Variants in SPATS2 observed in about 807,000 individuals in gnomAD.
SPATS2 encodes spermatogenesis-associated serine-rich protein 2.
Under a neutral mutation model 63.7 loss-of-function variants are expected in SPATS2, and 38 were observed. The ratio of observed to expected loss-of-function variants is 0.60; its 90% CI spans 0.46 to 0.78. The LOEUF (loss-of-function observed/expected upper bound fraction) is 0.78. Ranked by LOEUF, SPATS2 falls within the 30% of genes least tolerant of loss-of-function variation. The probability of loss-of-function intolerance (pLI) is 0.00; values close to 1 mark genes in which losing one functional copy is unlikely to be tolerated. For synonymous variants in SPATS2, 207 were observed against 232.9 expected, an observed-to-expected ratio of 0.89 and a Z score of 1.01; for missense variants, 588 against 666.2, an observed-to-expected ratio of 0.88 and a Z score of 1.29.
chr12:49,374,021 G>A (rs972213710), intron 2 of SPATS2, among the ~76,000 whole-genome samples: 1 of 151,820 alleles, frequency 6.6e-6, no homozygotes, highest in Non-Finnish European at 1.5e-5. Flanking sequence ...AAGAGTTTGA[G>A]ATTGTAGTGA....
chr12:49,389,861 C>CA, intron 2 of SPATS2: 1 of 843,016 alleles, frequency 1.2e-6, no homozygotes, highest in Non-Finnish European at 2.1e-6. Context: ...TAATGGCTAG[C>CA]AAAAAAGATG....
At chr12:49,463,653 G>C (rs1479983705) in intron 3 of SPATS2, 1 of 152,018 alleles carries the variant, frequency 6.6e-6, no homozygotes, top group Non-Finnish European at 1.5e-5. Context: ...TCATTGCTTT[G>C]GGTTTTAGTA....
chr12:49,425,604 G>A (rs1184459923), intron 2 of SPATS2, among the ~76,000 whole-genome samples: 1 of 152,044 alleles, frequency 6.6e-6, no homozygotes, highest in African/African-American at 2.4e-5. Context: ...ACAGGCATGA[G>A]CCACCACGTC....
chr12:49,431,586 A>T (rs1945187185), intron 2 of SPATS2, among the ~76,000 whole-genome samples: 2 of 152,200 alleles, frequency 1.3e-5, no homozygotes, highest in South Asian at 4.1e-4. Flanking sequence ...CAGTATTCTC[A>T]TTATGTGGAC....
At chr12:49,465,886 G>A (rs562321620) in intron 3 of SPATS2, among the ~76,000 whole-genome samples, 22 of 152,228 alleles carry the variant, frequency 1.4e-4, no homozygotes, top group Non-Finnish European at 2.8e-4. Flanking sequence ...GGAGGTTGCA[G>A]TGAGCCAGGA....
chr12:49,383,379 G>A (rs766552130), intron 2 of SPATS2, among the ~76,000 whole-genome samples: 2 of 151,702 alleles, frequency 1.3e-5, no homozygotes, highest in Non-Finnish European at 2.9e-5. Flanking sequence ...TAATATATGT[G>A]TCTTGGAAAT....
At chr12:49,390,213 T>C in intron 2 of SPATS2, 1 of 1,058,342 alleles carries the variant, frequency 9.4e-7, no homozygotes, top group Non-Finnish European at 1.4e-6. Context: ...AGTGGTCAAA[T>C]AAGTGAATGA....
At chr12:49,406,899 A>G (rs1944707183) in intron 2 of SPATS2, among the ~76,000 whole-genome samples, 1 of 152,196 alleles carries the variant, frequency 6.6e-6, no homozygotes, top group Non-Finnish European at 1.5e-5. Context: ...GAACAATCAT[A>G]ATGTAAAATA....
intron 3 of SPATS2, among the ~76,000 whole-genome samples, chr12:49,472,608 A>ATT (rs1052899920): frequency 1.3e-4 from 17 of 129,266 alleles, no homozygotes; most frequent in African/African-American, 4.5e-4. Flanking sequence ...TATTTTATAT[A>ATT]TTTTATATAT....
chr12:49,404,383 C>T (rs1474629575), intron 2 of SPATS2, among the ~76,000 whole-genome samples: 1 of 150,712 alleles, frequency 6.6e-6, no homozygotes, highest in Non-Finnish European at 1.5e-5. Flanking sequence ...AACTCCTGGG[C>T]CGAAGCGATC....
chr12:49,509,093 A>G (rs1250507424), intron 9 of SPATS2, among the ~76,000 whole-genome samples: 1 of 151,750 alleles, frequency 6.6e-6, no homozygotes, highest in Non-Finnish European at 1.5e-5. Flanking sequence ...ACTCCTTAGC[A>G]ATACAGATTG....
rs1946442192 is a variant in SPATS2, at chr12:49,495,010, T to A, written c.526+8T>A. 6.5e-7 allele frequency: 1 copy of A among 1,531,900 alleles called. No individual in the cohort carries two copies. The highest frequency in any genetic ancestry group is 8.8e-7 in the Non-Finnish European group (1 of 1,138,580). 94.9% of individuals were successfully genotyped at this position (1,531,900 alleles called of 1,614,324 possible). A position where few individuals can be genotyped will look rare whatever the true frequency, so the allele number is the denominator to read the frequency against. On this transcript the variant is annotated splice_region_variant and intron_variant, in intron 7 of 13. Transcript: ENST00000552918. Reference sequence around the variant, plus strand: ...ATACGCTGGATAGAACAGGTGAGTTTATTAACAGATTTTGAAAAAGTTGCA... The same window carrying A: ...ATACGCTGGATAGAACAGGTGAGTTAATTAACAGATTTTGAAAAAGTTGCA...
intron 11 of SPATS2, among the ~76,000 whole-genome samples, chr12:49,522,126 T>A (rs577224576): frequency 8.5e-5 from 13 of 152,358 alleles, no homozygotes; most frequent in Admixed American, 7.2e-4. Flanking sequence ...TCCCATGATT[T>A]TTATAGCATG....
At chr12:49,465,348 A>G (rs1312539823) in intron 3 of SPATS2, among the ~76,000 whole-genome samples, 3 of 150,784 alleles carry the variant, frequency 2.0e-5, no homozygotes, top group Admixed American at 6.6e-5. Context: ...ATCCTCACCA[A>G]CACTCGGTAT....
intron 2 of SPATS2, among the ~76,000 whole-genome samples, chr12:49,450,523 C>T (rs1032191100): frequency 1.3e-5 from 2 of 151,980 alleles, no homozygotes; most frequent in Non-Finnish European, 2.9e-5. Context: ...GGATTACAGG[C>T]GTGAGCCACC....
chr12:49,495,095 T>C, intron 7 of SPATS2, 93 bp downstream of exon 7: 1 of 1,317,974 alleles, frequency 7.6e-7, no homozygotes, highest in Non-Finnish European at 1.0e-6. Context: ...CTAGTTAGTC[T>C]TTTTTTATCC....
At chr12:49,401,418 A>G (rs370908687) in intron 2 of SPATS2, among the ~76,000 whole-genome samples, 1 of 152,194 alleles carries the variant, frequency 6.6e-6, no homozygotes, top group East Asian at 1.9e-4. Context: ...TAAACATACA[A>G]AAGTAAATAG....
At chr12:49,454,886 A>C (rs2137637816) in intron 2 of SPATS2, among the ~76,000 whole-genome samples, 2 of 151,828 alleles carry the variant, frequency 1.3e-5, no homozygotes, top group South Asian at 4.2e-4. Flanking sequence ...TCTTTAAAAA[A>C]AAAAAAAAAA....
At chr12:49,440,788 G>A (rs1268226559) in intron 2 of SPATS2, among the ~76,000 whole-genome samples, 1 of 152,118 alleles carries the variant, frequency 6.6e-6, no homozygotes, top group Non-Finnish European at 1.5e-5. Flanking sequence ...ATAAATACAG[G>A]CCAGTTGTTG....
Sources: allele counts gnomAD v4.1 joint callset (sites outside exome capture counted in the v4.1 genomes callset), GRCh38; gene constraint gnomAD v4.1.1; transcripts MANE v1.5; gene names NCBI Gene and HGNC (gene_info 2026-07-23, HGNC 2026-07-21).